Variants in PLCH2 observed in about 807,000 individuals in gnomAD.
PLCH2 encodes the protein 1-phosphatidylinositol 4,5-bisphosphate phosphodiesterase eta-2.
PLCH2 carries 98 observed loss-of-function variants against 134.7 expected under a neutral mutation model. The ratio of observed to expected loss-of-function variants is 0.73; its 90% CI spans 0.62 to 0.86. The LOEUF (loss-of-function observed/expected upper bound fraction) is 0.86, where lower values mean the gene tolerates loss of function less well. Among genes scored for constraint, PLCH2 ranks in the 40% least tolerant of loss-of-function variants. The pLI, the probability that PLCH2 is intolerant of heterozygous loss-of-function variation, is 0.00. For missense variants in PLCH2, 1,994 were observed against 1,986.6 expected, an observed-to-expected ratio of 1.00 and a Z score of -0.07; for synonymous variants, 974 against 827.5, an observed-to-expected ratio of 1.18 and a Z score of -3.04.
rs1643441608 is a variant in PLCH2 at position 2,504,703 on chromosome 1, C to G, written c.3741C>G (p.Asp1247Glu). 6.2e-7 allele frequency: 1 copy of G among 1,612,548 alleles called. No individual in the cohort carries two copies. The highest frequency in any genetic ancestry group is 2.2e-5 in the East Asian group (1 of 44,872). The change falls in exon 22 of 22, where the codon GAC becomes GAG. Residue 1247 changes from aspartate (D) to glutamate (E), a missense_variant. Asp to Glu is a conservative substitution (Grantham distance 45). Transcript: ENST00000378486. Reference protein sequence around the residue: ...WGCLSLVGVQDCPVAAKSKSL... With the variant: ...WGCLSLVGVQECPVAAKSKSL... ...GCCTTTCCCTGGTGGGCGTGCAGGACTGCCCCGTGGCTGCCAAGTCCAAGA... is the reference window on the plus strand; with the variant it reads ...GCCTTTCCCTGGTGGGCGTGCAGGAGTGCCCCGTGGCTGCCAAGTCCAAGA...
rs766803883 is a variant in PLCH2 at position 2,504,478 on chromosome 1, C to T, written c.3516C>T (p.Leu1172=). The change falls in exon 22 of 22, where the codon CTC becomes CTT. Residue 1172 remains leucine, a synonymous_variant. Coordinates refer to ENST00000378486, the MANE Select transcript of PLCH2 (RefSeq NM_014638.4). ...SLGLGRSREN[L]AGAHMGRLPP... Reference sequence around the variant, plus strand: ...GCCTGGGCCGCAGCCGTGAGAACCTCGCTGGAGCCCACATGGGACGCCTGC... The same window carrying T: ...GCCTGGGCCGCAGCCGTGAGAACCTTGCTGGAGCCCACATGGGACGCCTGC... 1.1e-5 allele frequency: 17 copies of T among 1,612,284 alleles called. No individual in the cohort carries two copies. In the South Asian group the frequency reaches 1.4e-4, roughly 14 times the overall value.
chr1:2,494,795 C>T (rs1018094333), intron 11 of PLCH2, 61 bp from the exon 12 acceptor site: 61 of 1,273,170 alleles, frequency 4.8e-5, no homozygotes, highest in African/African-American at 1.2e-4. Context: ...GGGGCTGTCC[C>T]GGCCTCCCTG....
intron 2 of PLCH2, among the ~76,000 whole-genome samples, chr1:2,460,488 C>T (rs1313368410): frequency 1.3e-5 from 2 of 152,262 alleles, no homozygotes; most frequent in African/African-American, 4.8e-5. Context: ...GGGCATGGGC[C>T]GTGTGGGCTC....
chr1:2,432,212 C>T (rs1371435845), intron 2 of PLCH2, among the ~76,000 whole-genome samples: 1 of 152,358 alleles, frequency 6.6e-6, no homozygotes, highest in Middle Eastern at 3.4e-3. Flanking sequence ...TGGCTGCCGA[C>T]TCTCTCATCT....
At chr1:2,423,937 C>G (rs1182366577), upstream of PLCH2, among the ~76,000 whole-genome samples, 1 of 152,164 alleles carries the variant, frequency 6.6e-6, no homozygotes, top group Non-Finnish European at 1.5e-5. Flanking sequence ...CTCCCCCTCC[C>G]TTCTTCTCTG....
At chr1:2,462,706 T>C, upstream of PLCH2, among the ~76,000 whole-genome samples, 1 of 152,070 alleles carries the variant, frequency 6.6e-6, no homozygotes, top group East Asian at 1.9e-4. Flanking sequence ...TGGTTTCACA[T>C]GGGGCCCTGG....
intron 21 of PLCH2, chr1:2,503,178 G>A (rs1320866050): frequency 3.2e-6 from 2 of 619,120 alleles, no homozygotes; most frequent in Non-Finnish European, 5.9e-6. Context: ...TGCTCTTGCT[G>A]AGGGTCTGGG....
At chr1:2,466,955 G>A (rs1641084090), upstream of PLCH2, among the ~76,000 whole-genome samples, 1 of 152,136 alleles carries the variant, frequency 6.6e-6, no homozygotes, top group Non-Finnish European at 1.5e-5. Context: ...CTCCCCCAAC[G>A]CTGGACGCCC....
rs143461161 is a variant in PLCH2, at chr1:2,453,256, CG to C, written c.115+22628del. Among the ~76,000 whole-genome samples the C allele has an allele frequency of 5.4e-3, 818 of 152,248 alleles. 9 individuals carry two copies. Among genetic ancestry groups the C allele is most frequent in the African/African-American group, 0.019 (780 of 41,540 alleles). On this transcript the variant is annotated intron_variant, in intron 2 of 3. Transcript: ENST00000609981. Reference sequence around the variant, plus strand: ...CTGTGCTCGAGATGTGGTCTGTGGGCGCCGTGCTCCCTGGGGCCCTTCCCCG... The same window carrying C: ...CTGTGCTCGAGATGTGGTCTGTGGGCCCGTGCTCCCTGGGGCCCTTCCCCG...
rs888407750 is a variant in PLCH2 at position 2,494,736 on chromosome 1, A to T, written c.1660-120A>T. 6 of 500,292 alleles carry T rather than the reference A, an allele frequency of 1.2e-5. No individual in the cohort carries two copies. The Admixed American group carries it at 1.4e-4, about 12-fold the overall frequency. The allele number at this position is 500,292 out of a possible 1,614,324, so 31.0% of individuals were successfully genotyped here. The stretch of plus-strand genomic sequence containing the variant: ...CCTCCCCTCCCGTCTGCCTTACTCC[A>T]GACCTGGCTCAAGCCCACCTCTTCC... On this transcript the variant is annotated intron_variant, in intron 11 of 21. Transcript: ENST00000378486.
chr1:2,505,047 GA>G lies in PLCH2; in HGVS notation c.4086del (p.Arg1362SerfsTer136). ...CGCCAGGCCCAGGAGCGGCAGCAGA[GA>G]CTGCAGGGCCTGGGCCGGCAGGGAC... The part of the protein sequence containing the change: ...RARQAQERQQ[R>X]LQGLGRQGPP... On this transcript the variant is annotated frameshift_variant, in exon 22 of 22. Coordinates refer to ENST00000378486, the MANE Select transcript of PLCH2 (RefSeq NM_014638.4). LOFTEE classifies it high-confidence loss of function. The G allele has an allele frequency of 6.5e-7, 1 of 1,542,840 alleles. No homozygotes were observed. The highest frequency in any genetic ancestry group is 8.7e-7 in the Non-Finnish European group (1 of 1,151,474).
chr1:2,460,625 G>A (rs1640765550), intron 2 of PLCH2, among the ~76,000 whole-genome samples: 1 of 152,244 alleles, frequency 6.6e-6, no homozygotes, highest in Non-Finnish European at 1.5e-5. Context: ...AAGCAGCTGG[G>A]AGGCCTGGGG....
intron 2 of PLCH2, among the ~76,000 whole-genome samples, chr1:2,441,183 G>T (rs1639675297): frequency 6.6e-6 from 1 of 152,214 alleles, no homozygotes; most frequent in African/African-American, 2.4e-5. Flanking sequence ...GCCCCTAGAG[G>T]GCCGGGGGAT....
upstream of PLCH2, among the ~76,000 whole-genome samples, chr1:2,472,635 G>C (rs137858148): frequency 6.4e-3 from 969 of 152,332 alleles, 5 homozygotes; most frequent in African/African-American, 0.022. Flanking sequence ...GCCAATGCCA[G>C]CCGGGCCCAG....
the PLCH2 span, among the ~76,000 whole-genome samples, chr1:2,418,021 C>T: frequency 1.3e-5 from 2 of 152,180 alleles, no homozygotes; most frequent in African/African-American, 4.8e-5. Context: ...AGGCTGAGCC[C>T]AGGGCATCCC....
At chr1:2,419,384 C>T in the PLCH2 span, among the ~76,000 whole-genome samples, 26 of 152,314 alleles carry the variant, frequency 1.7e-4, no homozygotes, top group African/African-American at 6.3e-4. Flanking sequence ...CCTTGAGTTT[C>T]CCACTGATTG....
chr1:2,451,342 G>A (rs1202762574), intron 2 of PLCH2, among the ~76,000 whole-genome samples: 5 of 152,218 alleles, frequency 3.3e-5, no homozygotes, highest in East Asian at 1.9e-4. Context: ...TAGCGTCTCC[G>A]AGGGATGCCA....
rs752894248 is a variant in PLCH2 at position 2,486,910 on chromosome 1, G to A, written c.820G>A (p.Ala274Thr). 3 of 1,603,024 alleles carry A rather than the reference G, an allele frequency of 1.9e-6. No homozygotes were observed. The East Asian group carries it at 6.8e-5, about 36-fold the overall frequency. The change falls in exon 6 of 22, where the codon GCG (alanine) becomes ACG (threonine). Residue 274 changes from alanine (A) to threonine (T), a missense_variant. Around this residue, in one of 2 missense-constraint regions of PLCH2, gnomAD observed 1,094 missense variants for 1,234.3 expected, o/e 0.89. Coordinates refer to ENST00000378486, the MANE Select transcript of PLCH2 (RefSeq NM_014638.4). ...TCATGCCCCTGCTCTGGCCTAGATGGCGGGTGTGACCCTCGAGAGCTGCCA... is the reference window on the plus strand; with the variant it reads ...TCATGCCCCTGCTCTGGCCTAGATGACGGGTGTGACCCTCGAGAGCTGCCA... ...QRFLQVEQKM[A>T]GVTLESCQDI...
At chr1:2,497,163 C>T (rs868188807) in intron 15 of PLCH2, among the ~76,000 whole-genome samples, 153 bp downstream of exon 15, 46 of 152,246 alleles carry the variant, frequency 3.0e-4, no homozygotes, top group African/African-American at 9.2e-4. Context: ...GGCATGCTGC[C>T]GACACCAGGC....
Sources: allele counts gnomAD v4.1 joint callset (sites outside exome capture counted in the v4.1 genomes callset), GRCh38; gene constraint gnomAD v4.1.1; regional missense constraint gnomAD v4.1.1; transcripts MANE v1.5; gene names NCBI Gene and HGNC (gene_info 2026-07-23, HGNC 2026-07-21).